Variants in RNF169 observed in about 807,000 individuals in gnomAD.
RNF169 encodes E3 ubiquitin-protein ligase RNF169.
A neutral mutation model predicts 53.9 loss-of-function variants in RNF169; 24 were observed. The ratio of observed to expected loss-of-function variants is 0.45; its 90% confidence interval spans 0.32 to 0.63. The LOEUF is 0.63. RNF169 is among the 20% of genes least tolerant of loss of function. The pLI is 0.04. For synonymous variants in RNF169, 396 were observed against 363.5 expected (o/e 1.09, Z -1.02); for missense variants, 883 against 906.2 (o/e 0.97, Z 0.33).
At chr11:74,778,366 A>AT (rs1163723896) in intron 1 of RNF169, among the ~76,000 whole-genome samples, 1 of 151,802 alleles carries the variant, frequency 6.6e-6, no homozygotes, top group African/African-American at 2.4e-5. Context: ...GTTATCACGA[A>AT]TTTTTTTTCC....
At chr11:74,826,565 C>T (rs1812473124) in intron 4 of RNF169, among the ~76,000 whole-genome samples, 2 of 152,192 alleles carry the variant, frequency 1.3e-5, no homozygotes. Context: ...TCAAGCCTTT[C>T]CAACAGCCCC....
intron 1 of RNF169, among the ~76,000 whole-genome samples, chr11:74,765,569 G>T (rs1005341876): frequency 7.2e-5 from 11 of 152,200 alleles, no homozygotes; most frequent in African/African-American, 2.7e-4. Flanking sequence ...GGGAGGCCAA[G>T]GCGGGTGGAT....
intron 3 of RNF169, among the ~76,000 whole-genome samples, chr11:74,816,830 T>G (rs1220681583): frequency 6.6e-6 from 1 of 152,210 alleles, no homozygotes; most frequent in East Asian, 1.9e-4. Flanking sequence ...AAGTCTAGTT[T>G]GTGAAGGTTG....
chr11:74,764,758 A>G (rs2035146235), intron 1 of RNF169, among the ~76,000 whole-genome samples: 2 of 149,724 alleles, frequency 1.3e-5, no homozygotes, highest in African/African-American at 5.1e-5. Context: ...TGTAGGGGCT[A>G]AAACCAAGGT....
intron 1 of RNF169, among the ~76,000 whole-genome samples, chr11:74,785,970 C>T (rs1447465205): frequency 4.3e-4 from 56 of 129,052 alleles, no homozygotes; most frequent in Non-Finnish European, 7.3e-4. Context: ...GAGACAGAGT[C>T]TTGTTCTGTC....
At chr11:74,788,405 G>A (rs1177795716) in intron 1 of RNF169, among the ~76,000 whole-genome samples, 2 of 151,616 alleles carry the variant, frequency 1.3e-5, no homozygotes, top group Non-Finnish European at 2.9e-5. Flanking sequence ...TTTGATTTTT[G>A]TTTTTGAAAC....
intron 1 of RNF169, among the ~76,000 whole-genome samples, chr11:74,752,657 A>T (rs1369169561): frequency 6.6e-6 from 1 of 152,040 alleles, no homozygotes; most frequent in African/African-American, 2.4e-5. Flanking sequence ...TCTACATGAA[A>T]ATTCAAGTAT....
At position 74,835,995 on chromosome 11, in the gene RNF169, A is replaced by G. The variant is rs1294194294; in HGVS notation, c.1392A>G (p.Leu464=). 2 of 1,614,208 alleles carry G rather than the reference A, an allele frequency of 1.2e-6. No homozygotes were observed. The highest frequency in any genetic ancestry group is 1.1e-5 in the South Asian group (1 of 91,074). Residue 464 remains leucine, a synonymous_variant, in exon 6 of 6, where the codon CTA becomes CTG. Coordinates refer to ENST00000299563, the MANE Select transcript of RNF169 (RefSeq NM_001098638.2). ...CTCCTGAAATGGGGGAAGAGTTACT[A>G]GGCTCTGAAGGTATCCATTCTAGCA... The part of the protein sequence containing the change: ...SLAPEMGEEL[L]GSEGIHSSKE...
chr11:74,752,336 C>G (rs2034909889), intron 1 of RNF169, among the ~76,000 whole-genome samples: 1 of 151,630 alleles, frequency 6.6e-6, no homozygotes, highest in African/African-American at 2.4e-5. Context: ...GTGGCTCATG[C>G]CTGTAAATCT....
Position 74,775,196 on chromosome 11 carries a change from A to G in RNF169, c.503-14430A>G, listed in dbSNP as rs555635154. 3.3e-5 allele frequency among the ~76,000 whole-genome samples: 5 copies of G among 152,246 alleles called. No homozygotes were observed. In the South Asian group the frequency reaches 8.3e-4, roughly 25 times the overall value. On this transcript the variant is annotated intron_variant, in intron 1 of 5. Coordinates refer to ENST00000299563, the MANE Select transcript of RNF169 (RefSeq NM_001098638.2). ...GAAGAAATTGATGGTGCTGGAGAGA[A>G]TGGAGGAAATGGAATGAGCTAAGTC...
intron 4 of RNF169, among the ~76,000 whole-genome samples, chr11:74,834,040 C>T (rs1392876332): frequency 6.6e-6 from 1 of 152,192 alleles, no homozygotes. Flanking sequence ...ATGGTACTTA[C>T]TATGCTATAG....
intron 3 of RNF169, among the ~76,000 whole-genome samples, chr11:74,815,652 T>C (rs1172411630): frequency 6.6e-6 from 1 of 152,216 alleles, no homozygotes; most frequent in Non-Finnish European, 1.5e-5. Flanking sequence ...ATCTATCTTT[T>C]TGAGCACTTA....
intron 3 of RNF169, among the ~76,000 whole-genome samples, chr11:74,811,936 G>T (rs1275576428): frequency 1.3e-5 from 2 of 152,172 alleles, no homozygotes; most frequent in Non-Finnish European, 2.9e-5. Context: ...CACCCTGACA[G>T]TTCTACCCTA....
intron 1 of RNF169, among the ~76,000 whole-genome samples, chr11:74,781,856 C>T (rs1198424347): frequency 6.6e-6 from 1 of 152,106 alleles, no homozygotes; most frequent in African/African-American, 2.4e-5. Flanking sequence ...ACTCTGTGTA[C>T]CTCAGTTTCC....
chr11:74,751,510 C>A (rs2034895058), intron 1 of RNF169, among the ~76,000 whole-genome samples: 1 of 152,096 alleles, frequency 6.6e-6, no homozygotes, highest in Admixed American at 6.5e-5. Context: ...TGTGAAATAC[C>A]AGTTCTGAAT....
At chr11:74,789,003 T>C (rs1324671527) in intron 1 of RNF169, among the ~76,000 whole-genome samples, 2 of 152,248 alleles carry the variant, frequency 1.3e-5, no homozygotes, top group African/African-American at 4.8e-5. Context: ...GCACTAGCTC[T>C]GTAACCTTGG....
At chr11:74,764,234 GT>G (rs1421746758) in intron 1 of RNF169, among the ~76,000 whole-genome samples, 2 of 152,218 alleles carry the variant, frequency 1.3e-5, no homozygotes, top group African/African-American at 4.8e-5. Flanking sequence ...ACTCAGGTGA[GT>G]TATTCAAGAG....
intron 2 of RNF169, among the ~76,000 whole-genome samples, chr11:74,805,472 C>T (rs934913609): frequency 6.6e-6 from 1 of 152,094 alleles, no homozygotes; most frequent in African/African-American, 2.4e-5. Context: ...TTTGACAAAA[C>T]TCATTGAACT....
intron 3 of RNF169, among the ~76,000 whole-genome samples, chr11:74,815,611 G>C (rs181738137): frequency 1.3e-5 from 2 of 152,254 alleles, no homozygotes; most frequent in East Asian, 3.9e-4. Context: ...TTTCTTAAAA[G>C]ATTAATAGTT....
Sources: gnomAD v4.1 joint callset for allele counts (sites outside exome capture counted in the v4.1 genomes callset) on GRCh38, gnomAD v4.1.1 for gene constraint, MANE v1.5 for transcripts, NCBI Gene and HGNC (gene_info 2026-07-23, HGNC 2026-07-21) for gene names.